Variants in LLGL2 observed in about 807,000 individuals in gnomAD.
LLGL2 encodes LLGL2, scribble cell polarity complex component.
In LLGL2, 81 loss-of-function variants were observed where a neutral mutation model predicts 123.2. That is an observed-to-expected ratio of 0.66 (90% CI 0.55 to 0.79). LLGL2 has a LOEUF of 0.79. Ranked by LOEUF, LLGL2 falls within the 30% of genes least tolerant of loss-of-function variation. The pLI, the probability that LLGL2 is intolerant of heterozygous loss-of-function variation, is 0.00. For missense variants in LLGL2, 1,273 were observed against 1,414.6 expected (o/e 0.90, Z 1.61); for synonymous variants, 577 against 594.1 (o/e 0.97, Z 0.42).
At chr17:75,543,285 G>A in intron 1 of LLGL2, 112 bp from the exon 2 acceptor site, 1 of 661,448 alleles carries the variant, frequency 1.5e-6, no homozygotes, top group Non-Finnish European at 2.5e-6. Flanking sequence ...CTGGCCCCGG[G>A]GTGGCAGCCT....
intron 1 of LLGL2, among the ~76,000 whole-genome samples, chr17:75,528,486 C>T (rs1225896544): frequency 3.9e-5 from 6 of 152,146 alleles, no homozygotes. Flanking sequence ...CACCTGTAAT[C>T]TCAGCACTTT....
intron 3 of LLGL2, among the ~76,000 whole-genome samples, chr17:75,557,496 C>T (rs2054969877): frequency 6.6e-6 from 1 of 152,244 alleles, no homozygotes; most frequent in Non-Finnish European, 1.5e-5. Context: ...CCCCGCCAGT[C>T]TGATCTGTGC....
At chr17:75,530,332 C>G (rs951813997) in intron 1 of LLGL2, among the ~76,000 whole-genome samples, 4 of 152,122 alleles carry the variant, frequency 2.6e-5, no homozygotes, top group African/African-American at 9.7e-5. Context: ...GAGATCGCGT[C>G]TCTACAAAAA....
intron 8 of LLGL2, 81 bp from the exon 9 acceptor site, chr17:75,563,671 G>A (rs1310380433): frequency 2.6e-6 from 4 of 1,544,752 alleles, no homozygotes; most frequent in Non-Finnish European, 3.6e-6. Flanking sequence ...TGTGGCATGA[G>A]CTAGAGGGAT....
intron 22 of LLGL2, 59 bp downstream of exon 22, chr17:75,574,039 C>T (rs969590631): frequency 1.3e-4 from 206 of 1,550,166 alleles, no homozygotes; most frequent in Non-Finnish European, 1.7e-4. Flanking sequence ...AGACCTGGGG[C>T]TGGACGGGAG....
In LLGL2 at chr17:75,547,119, C is replaced by G. The variant is rs112545319; in HGVS notation, c.75+3618C>G. Among the ~76,000 whole-genome samples the G allele has an allele frequency of 5.4e-3, 822 of 152,346 alleles. 6 individuals carry two copies. Among genetic ancestry groups the G allele is most frequent in the African/African-American group, 0.019 (802 of 41,576 alleles). On this transcript the variant is annotated intron_variant, in intron 2 of 25. Coordinates refer to ENST00000392550, the MANE Select transcript of LLGL2 (RefSeq NM_001031803.2). ...TTTTGTCCAACACCTTTTGGCTCAA[C>G]TCCTTTATACCCACACCAAGCCCGA...
chr17:75,559,229 A>G lies in LLGL2; in HGVS notation c.372-23A>G. The G allele has an allele frequency of 6.4e-7, 1 of 1,571,806 alleles. No individual in the cohort carries two copies. The highest frequency in any genetic ancestry group is 2.3e-5 in the East Asian group (1 of 44,142). ...TCCCCTGCTGGGCAGTGGTCGGCTC[A>G]CGGGCAGCTGTTCTTGTCACAGGGC... On this transcript the variant is annotated intron_variant, in intron 5 of 25. Transcript: ENST00000392550. This position sits in a 1 kb window ranked among gnomAD's most constrained non-coding sequence, Gnocchi z 4.6.
chr17:75,571,835 C>G, intron 18 of LLGL2, 52 bp downstream of exon 18: 1 of 1,604,256 alleles, frequency 6.2e-7, no homozygotes, highest in Middle Eastern at 1.7e-4. Flanking sequence ...TGGGCTGGGT[C>G]CAGGGAGTGG....
Position 75,569,578 on chromosome 17 carries a change from G to A in LLGL2, c.1581+253G>A, listed in dbSNP as rs565165547. 5.3e-5 allele frequency among the ~76,000 whole-genome samples: 8 copies of A among 152,218 alleles called. No homozygotes were observed. In the South Asian group the frequency reaches 1.2e-3, roughly 24 times the overall value. On this transcript the variant is annotated intron_variant, in intron 14 of 25. Transcript: ENST00000392550. ...AGCACTTTGGGAGACCAAGGCAGGC[G>A]GATCACCTGAGGTCAGGAGTTCGAG...
At chr17:75,571,184 C>A in intron 17 of LLGL2, 84 bp downstream of exon 17, 1 of 1,336,230 alleles carries the variant, frequency 7.5e-7, no homozygotes. Flanking sequence ...GGGGCTGCTG[C>A]CTGCCTGGCT....
At chr17:75,533,990 G>A (rs1022455789) in intron 1 of LLGL2, among the ~76,000 whole-genome samples, 34 of 152,194 alleles carry the variant, frequency 2.2e-4, no homozygotes, top group African/African-American at 8.2e-4. Flanking sequence ...ACATCTGGAA[G>A]CTTCTTGGGA....
In LLGL2 at chr17:75,563,404, A is replaced by G. The variant is rs2055311678; in HGVS notation, c.767A>G (p.Gln256Arg). 2.5e-6 allele frequency: 4 copies of G among 1,612,904 alleles called. No homozygotes were observed. The East Asian group carries it at 8.9e-5, about 36-fold the overall frequency. The part of the protein sequence containing the change: ...VSCHSDGSYC[Q>R]WPVSSEAQQP... The stretch of plus-strand genomic sequence containing the variant: ...TGTCACTCTGACGGCAGCTACTGCC[A>G]GTGGCCCGTGTCCAGCGAAGCCCAG... Residue 256 changes from glutamine to arginine, a missense_variant, in exon 8 of 26, where the codon CAG becomes CGG. Transcript: ENST00000392550.
intron 21 of LLGL2, 29 bp downstream of exon 21, chr17:75,573,660 G>GCCCCCCCCCCCCCCCCCCC: frequency 1.0e-6 from 1 of 954,828 alleles, no homozygotes; most frequent in Non-Finnish European, 1.4e-6. Context: ...GGCCTCTCCC[G>GCCCCCCCCCCCCCCCCCCC]CCCCTCCCGC....
rs762071337 is a variant in LLGL2, at chr17:75,549,658, G to A, written c.75+6157G>A. Reference sequence around the variant, plus strand: ...CAGCCAGTATCGGGCAGAGTGGCCCGGCCAGGCAGGAGTGCTCCCCCAAGG... The same window carrying A: ...CAGCCAGTATCGGGCAGAGTGGCCCAGCCAGGCAGGAGTGCTCCCCCAAGG... On this transcript the variant is annotated intron_variant, in intron 2 of 25. Transcript: ENST00000392550. The surrounding 1 kb of genome is among the most constrained non-coding windows in gnomAD (Gnocchi z 4.0). 1.3e-5 allele frequency among the ~76,000 whole-genome samples: 2 copies of A among 152,200 alleles called. No individual in the cohort carries two copies. Among genetic ancestry groups the A allele is most frequent in the African/African-American group, 2.4e-5 (1 of 41,448 alleles).
intron 1 of LLGL2, among the ~76,000 whole-genome samples, chr17:75,531,899 C>T (rs1026909198): frequency 6.6e-6 from 1 of 152,052 alleles, no homozygotes; most frequent in Non-Finnish European, 1.5e-5. Flanking sequence ...GGCGTGGGGA[C>T]GAGGAGGCTG....
At chr17:75,542,855 CGA>C (rs2054269022) in intron 1 of LLGL2, 1 of 152,434 alleles carries the variant, frequency 6.6e-6, no homozygotes, top group Non-Finnish European at 1.5e-5. Flanking sequence ...AGGCTGAGGC[CGA>C]GAGTCCCTGG....
At chr17:75,532,053 TATACACACAC>T (rs900700244) in intron 1 of LLGL2, among the ~76,000 whole-genome samples, 5 of 70,296 alleles carry the variant, frequency 7.1e-5, no homozygotes, top group African/African-American at 2.0e-4. Context: ...TATATGTATA[TATACACACAC>T]ACACACACAC....
At chr17:75,540,347 C>T (rs1028269509) in intron 1 of LLGL2, among the ~76,000 whole-genome samples, 3 of 152,190 alleles carry the variant, frequency 2.0e-5, no homozygotes, top group Admixed American at 2.0e-4. Context: ...AAGCGTGGTG[C>T]TTTTCCATGC....
chr17:75,543,580 C>T, intron 2 of LLGL2, 79 bp downstream of exon 2: 2 of 1,179,614 alleles, frequency 1.7e-6, no homozygotes, highest in South Asian at 1.4e-5. Flanking sequence ...CACCTCTTAC[C>T]TGGATTAAGG....
Sources: allele counts gnomAD v4.1 joint callset (sites outside exome capture counted in the v4.1 genomes callset), GRCh38; gene constraint gnomAD v4.1.1; non-coding constraint Gnocchi (gnomAD v3.1); transcripts MANE v1.5; gene names NCBI Gene and HGNC (gene_info 2026-07-23, HGNC 2026-07-21).